MAGEC3: variants seen among roughly 807,000 people sequenced by gnomAD.
The protein encoded by MAGEC3 is melanoma-associated antigen C3.
In MAGEC3, 34 loss-of-function variants were observed where a neutral mutation model predicts 35.3. The ratio of observed to expected loss-of-function variants is 0.96; its 90% CI spans 0.73 to 1.28. The LOEUF (loss-of-function observed/expected upper bound fraction) is 1.28, where lower values mean the gene tolerates loss of function less well. Ranked by LOEUF, MAGEC3 falls within the 50% of genes most tolerant of loss-of-function variation. The probability of loss-of-function intolerance (pLI) is 0.00; values close to 1 mark genes in which losing one functional copy is unlikely to be tolerated. For missense variants in MAGEC3, 561 were observed against 483.6 expected, an observed-to-expected ratio of 1.16 and a Z score of -1.50; for synonymous variants, 202 against 185.6, an observed-to-expected ratio of 1.09 and a Z score of -0.72.
Position 141,864,374 on chromosome X carries a change from T to G in MAGEC3, c.124-1097T>G, listed in dbSNP as rs959592527. On this transcript the variant is annotated intron_variant, in intron 1 of 7. Coordinates refer to ENST00000298296, the MANE Select transcript of MAGEC3 (RefSeq NM_138702.1). Reference sequence around the variant, plus strand: ...AGATAATAAAAATGAATGTACAGGTTTTTGTGAGAACATAAGGTTTGCAAA... The same window carrying G: ...AGATAATAAAAATGAATGTACAGGTGTTTGTGAGAACATAAGGTTTGCAAA... Among the ~76,000 whole-genome samples the G allele has an allele frequency of 1.1e-4, 11 of 101,746 alleles. No homozygotes were observed. The East Asian group carries it at 1.8e-3, about 17-fold the overall frequency. 88.4% of individuals were successfully genotyped at this position (101,746 alleles called of 115,157 possible).
chrX:141,878,688 C>G (rs1259069631), intron 2 of MAGEC3, among the ~76,000 whole-genome samples: 2 of 112,246 alleles, frequency 1.8e-5, no homozygotes, highest in African/African-American at 6.5e-5. Context: ...GTGAGACACC[C>G]CTCCCAAGAA....
intron 4 of MAGEC3, 125 bp from the exon 5 acceptor site, chrX:141,895,144 G>T: frequency 1.3e-6 from 1 of 798,862 alleles, no homozygotes; most frequent in Non-Finnish European, 1.8e-6. Context: ...GTCGGGGGGC[G>T]CTGAGGAGGG....
At chrX:141,849,659 C>T (rs1245001269) in intron 1 of MAGEC3, among the ~76,000 whole-genome samples, 1 of 111,093 alleles carries the variant, frequency 9.0e-6, no homozygotes, top group Admixed American at 9.6e-5. Context: ...CACAAATCAT[C>T]AGAGAAATAC....
chrX:141,856,590 T>G (rs1209375990), intron 1 of MAGEC3, among the ~76,000 whole-genome samples: 1 of 111,642 alleles, frequency 9.0e-6, no homozygotes, highest in Non-Finnish European at 1.9e-5. Context: ...TATATCAATA[T>G]GTTGAAAAAG....
intron 1 of MAGEC3, among the ~76,000 whole-genome samples, chrX:141,852,326 G>A (rs975987004): frequency 9.1e-6 from 1 of 110,137 alleles, no homozygotes; most frequent in African/African-American, 3.3e-5. Context: ...TCTAATAATA[G>A]TATTTTTGTG....
intron 4 of MAGEC3, among the ~76,000 whole-genome samples, chrX:141,886,992 A>G (rs2018007113): frequency 8.9e-6 from 1 of 112,213 alleles, no homozygotes; most frequent in African/African-American, 3.2e-5. Flanking sequence ...TGCAGAAGAC[A>G]GTTGGATCTT....
chrX:141,873,282 T>C (rs1012108889), intron 2 of MAGEC3, among the ~76,000 whole-genome samples: 1 of 110,928 alleles, frequency 9.0e-6, no homozygotes, highest in African/African-American at 3.3e-5. Flanking sequence ...GCAGGCATAC[T>C]CCCTGAGTCT....
intron 1 of MAGEC3, among the ~76,000 whole-genome samples, chrX:141,856,868 G>A (rs753372649): frequency 3.6e-5 from 4 of 111,947 alleles, no homozygotes; most frequent in East Asian, 5.7e-4. Flanking sequence ...AGCAAAAATT[G>A]TACCACAATT....
At chrX:141,891,795 A>AT (rs1275772969) in intron 4 of MAGEC3, among the ~76,000 whole-genome samples, 1 of 107,872 alleles carries the variant, frequency 9.3e-6, no homozygotes, top group East Asian at 2.9e-4. Context: ...ACATGTAAAT[A>AT]TGCCACTTGC....
At chrX:141,868,054 C>T (rs762743659) in intron 2 of MAGEC3, among the ~76,000 whole-genome samples, 17 of 109,804 alleles carry the variant, frequency 1.5e-4, no homozygotes, top group Non-Finnish European at 1.1e-4. Context: ...ACCCGGGAGG[C>T]GGAGCTTGCA....
chrX:141,839,409 G>A (rs2017672890), intron 1 of MAGEC3: 2 of 721,919 alleles, frequency 2.8e-6, no homozygotes, highest in Non-Finnish European at 3.3e-6. Flanking sequence ...AATGATTATG[G>A]GCATAAGAAG....
intron 1 of MAGEC3, chrX:141,838,719 G>A: frequency 1.3e-6 from 1 of 754,127 alleles, no homozygotes; most frequent in Non-Finnish European, 1.6e-6. Flanking sequence ...TTCATCGGGG[G>A]TGAGGCTCTG....
At chrX:141,856,002 C>A (rs912752864) in intron 1 of MAGEC3, among the ~76,000 whole-genome samples, 7 of 111,253 alleles carry the variant, frequency 6.3e-5, no homozygotes, top group Admixed American at 5.8e-4. Flanking sequence ...GATCAGTATT[C>A]ATCATAGTAC....
chrX:141,864,179 A>G (rs1603061895), intron 1 of MAGEC3, among the ~76,000 whole-genome samples: 1 of 109,978 alleles, frequency 9.1e-6, no homozygotes, highest in African/African-American at 3.3e-5. Context: ...TACTATAAAC[A>G]TTCATGTATA....
intron 1 of MAGEC3, among the ~76,000 whole-genome samples, chrX:141,849,744 C>G (rs771221110): frequency 9.0e-6 from 1 of 111,133 alleles, no homozygotes; most frequent in South Asian, 3.8e-4. Context: ...AAATAACACA[C>G]GCTGGCAATG....
At chrX:141,879,887 T>A (rs73577993) in intron 3 of MAGEC3, among the ~76,000 whole-genome samples, 8 of 110,930 alleles carry the variant, frequency 7.2e-5, no homozygotes, top group African/African-American at 2.6e-4. Flanking sequence ...CACGTCTTCA[T>A]GACAGAAGAA....
chrX:141,842,161 A>G (rs1399374078), intron 1 of MAGEC3, among the ~76,000 whole-genome samples: 1 of 111,899 alleles, frequency 8.9e-6, no homozygotes, highest in Non-Finnish European at 1.9e-5. Context: ...TAATATTAAG[A>G]TAAACTTAAA....
chrX:141,896,459 A>T (rs763563501), intron 6 of MAGEC3: 1 of 1,156,465 alleles, frequency 8.6e-7, no homozygotes, highest in African/African-American at 1.8e-5. Flanking sequence ...TCTTAGGAAG[A>T]CAGGCGACCT....
At chrX:141,877,104 G>T (rs5954452) in intron 2 of MAGEC3, among the ~76,000 whole-genome samples, 1 of 111,978 alleles carries the variant, frequency 8.9e-6, no homozygotes, top group Non-Finnish European at 1.9e-5. Context: ...GATTGCAGTC[G>T]ATCTGTAGAT....
Sources: gnomAD v4.1 joint callset for allele counts (sites outside exome capture counted in the v4.1 genomes callset) on GRCh38, gnomAD v4.1.1 for gene constraint, MANE v1.5 for transcripts, NCBI Gene and HGNC (gene_info 2026-07-23, HGNC 2026-07-21) for gene names.